DOK7: variants seen among roughly 807,000 people sequenced by gnomAD.
DOK7 encodes protein Dok-7.
Under a neutral mutation model 30.7 loss-of-function variants are expected in DOK7, and 32 were observed. That is an observed-to-expected ratio of 1.04 (90% confidence interval 0.79 to 1.40). The LOEUF is 1.40. Ranked by LOEUF, DOK7 falls within the 40% of genes most tolerant of loss-of-function variation. The pLI, the probability that DOK7 is intolerant of heterozygous loss-of-function variation, is 0.00. For missense variants in DOK7, 1,007 were observed against 699.2 expected, an observed-to-expected ratio of 1.44 and a Z score of -4.97; for synonymous variants, 447 against 324.1, an observed-to-expected ratio of 1.38 and a Z score of -4.07.
At chr4:3,473,265 C>A in intron 2 of DOK7, 141 bp from the exon 3 acceptor site, 1 of 754,892 alleles carries the variant, frequency 1.3e-6, no homozygotes, top group Non-Finnish European at 2.2e-6. Context: ...TGCCGGGAGT[C>A]GAAGCCTTGG....
chr4:3,489,979 CCT>C, intron 6 of DOK7, among the ~76,000 whole-genome samples, 183 bp downstream of exon 6: 1 of 127,068 alleles, frequency 7.9e-6, no homozygotes, highest in Non-Finnish European at 1.6e-5. Context: ...ATTCATCCTT[CCT>C]TCCCCACCAC....
rs200407250 is a variant in DOK7, at chr4:3,489,785, C to T, written c.761C>T (p.Pro254Leu). Residue 254 changes from proline (P) to leucine (L), a missense_variant, in exon 6 of 7, where the codon CCG becomes CTG. By Grantham distance (98) the Pro-to-Leu change is moderately conservative. Transcript: ENST00000340083. ...RLSLLSHAGR[P>L]GSGGDDRSLS... is the part of the protein sequence containing the mutation. ...AGCCTCCTCTCACATGCGGGCAGGC[C>T]GGGCAGTGGAGGTAGGGCCGGGGGC... The T allele has an allele frequency of 1.0e-4, 160 of 1,574,150 alleles. 1 individual carries two copies. Among genetic ancestry groups the T allele is most frequent in the Middle Eastern group, 1.0e-3 (6 of 6,010 alleles).
chr4:3,495,161 C>T (rs1728835381), downstream of DOK7, among the ~76,000 whole-genome samples: 1 of 152,236 alleles, frequency 6.6e-6, no homozygotes, highest in Non-Finnish European at 1.5e-5. Flanking sequence ...CCCCGCCTCA[C>T]TGGGCTGCAC....
intron 2 of DOK7, 61 bp downstream of exon 2, chr4:3,463,612 G>T: frequency 6.6e-7 from 1 of 1,516,188 alleles, no homozygotes; most frequent in South Asian, 1.2e-5. Flanking sequence ...ACCGAGGCCC[G>T]GGGCAGTAAT....
intron 2 of DOK7, among the ~76,000 whole-genome samples, chr4:3,466,484 C>G (rs1726271514): frequency 6.6e-6 from 1 of 152,226 alleles, no homozygotes; most frequent in Non-Finnish European, 1.5e-5. Flanking sequence ...GCAGAGCCTC[C>G]TGGTGGTGGA....
downstream of DOK7, among the ~76,000 whole-genome samples, chr4:3,496,570 T>C (rs1728923933): frequency 6.6e-6 from 1 of 152,148 alleles, no homozygotes; most frequent in Non-Finnish European, 1.5e-5. Flanking sequence ...AGCTCCCCCA[T>C]GGGTGGTTAT....
rs539706052 is a variant in DOK7 at position 3,493,219 on chromosome 4, T to C, written c.1233T>C (p.Leu411=). Residue 411 remains leucine (L), a synonymous_variant, in exon 7 of 7, where the codon CTT becomes CTC. Transcript: ENST00000340083. The part of the protein sequence containing the change: ...LRAHYDTPRS[L]CLAPRDHSPP... ...CCCACTATGACACACCACGCAGCCT[T>C]TGCCTGGCTCCTAGAGACCACAGCC... 2.9e-5 allele frequency: 47 copies of C among 1,611,984 alleles called. No homozygotes were observed. The African/African-American group carries it at 4.8e-4, about 16-fold the overall frequency.
downstream of DOK7, among the ~76,000 whole-genome samples, chr4:3,498,650 C>CTCA (rs1285277097): frequency 6.6e-6 from 1 of 152,144 alleles, no homozygotes; most frequent in Admixed American, 6.5e-5. Flanking sequence ...GGCCTAGCCC[C>CTCA]TCAGCCATGC....
chr4:3,481,049 AGCACGAATGG>A (rs1337760598), intron 4 of DOK7, among the ~76,000 whole-genome samples: 2 of 151,884 alleles, frequency 1.3e-5, no homozygotes, highest in Non-Finnish European at 2.9e-5. Context: ...GACATCTTTG[AGCACGAATGG>A]GTGTCCCGAA....
At chr4:3,464,061 C>T (rs370151085) in intron 2 of DOK7, among the ~76,000 whole-genome samples, 2 of 150,192 alleles carry the variant, frequency 1.3e-5, no homozygotes, top group African/African-American at 4.9e-5. Flanking sequence ...GGTCCCCCCC[C>T]AGTCCCCGCC....
chr4:3,485,475 T>A, intron 4 of DOK7, 64 bp from the exon 5 acceptor site: 1 of 1,442,102 alleles, frequency 6.9e-7, no homozygotes, highest in South Asian at 1.5e-5. Flanking sequence ...CCTGTGTTCC[T>A]CCTCTTCAGG....
chr4:3,496,375 A>C (rs1728913690), downstream of DOK7, among the ~76,000 whole-genome samples: 1 of 152,186 alleles, frequency 6.6e-6, no homozygotes, highest in Admixed American at 6.5e-5. Context: ...CAGGGCCCAC[A>C]CCCTCAAGGA....
chr4:3,463,973 C>G (rs7664368), intron 2 of DOK7, among the ~76,000 whole-genome samples: 59,376 of 152,052 alleles, frequency 0.39, 11,877 homozygotes, highest in East Asian at 0.48. Flanking sequence ...CCCAGGCAGA[C>G]GAGAGGCTGG....
chr4:3,492,813 G>A lies in DOK7; in HGVS notation c.827G>A (p.Ser276Asn), dbSNP rs1728578750. ...SSSEASHLDV[S>N]ASSRLTAWPE... ...TCAGAGGCCAGTCACTTGGACGTCA[G>A]CGCCAGCAGCCGGCTCACCGCATGG... The change falls in exon 7 of 7, where the codon AGC (serine) becomes AAC (asparagine). Residue 276 changes from serine to asparagine, a missense_variant. By Grantham distance (46) the Ser-to-Asn change is conservative (BLOSUM62 1). Coordinates refer to ENST00000340083, the MANE Select transcript of DOK7 (RefSeq NM_173660.5). The A allele has an allele frequency of 1.2e-6, 2 of 1,612,574 alleles. No individual in the cohort carries two copies. The highest frequency in any genetic ancestry group is 1.3e-5 in the African/African-American group (1 of 74,922).
intron 6 of DOK7, chr4:3,500,170 G>A: frequency 2.7e-6 from 4 of 1,469,670 alleles, no homozygotes; most frequent in Non-Finnish European, 3.6e-6. Context: ...TAGGCAGGGT[G>A]GGCAGCTCTT....
chr4:3,469,979 T>C (rs1238061679), intron 2 of DOK7, among the ~76,000 whole-genome samples: 1 of 152,106 alleles, frequency 6.6e-6, no homozygotes, highest in Non-Finnish European at 1.5e-5. Flanking sequence ...TGGTCGTCAG[T>C]TTCCTGTGGC....
At chr4:3,479,632 A>C (rs554066697) in intron 4 of DOK7, among the ~76,000 whole-genome samples, 2 of 152,330 alleles carry the variant, frequency 1.3e-5, no homozygotes, top group East Asian at 3.9e-4. Context: ...GAGAGCAGAG[A>C]GGGTGACCCT....
At chr4:3,480,190 G>A (rs909839355) in intron 4 of DOK7, among the ~76,000 whole-genome samples, 3 of 152,188 alleles carry the variant, frequency 2.0e-5, no homozygotes, top group Non-Finnish European at 4.4e-5. Flanking sequence ...TTTTGGAGGT[G>A]CCCCCTTTTT....
At position 3,493,425 on chromosome 4, in the gene DOK7, C is replaced by G; in HGVS notation, c.1439C>G (p.Pro480Arg). ...APGEPWEAGG[P>R]HAGPPPAFFS... ...GGCGAGCCCTGGGAAGCAGGCGGCC[C>G]CCACGCGGGGCCACCCCCGGCTTTC... Residue 480 changes from proline (P) to arginine (R), a missense_variant, in exon 7 of 7, where the codon CCC becomes CGC. By Grantham distance (103) the Pro-to-Arg change is moderately radical (BLOSUM62 -2). Transcript: ENST00000340083. The G allele has an allele frequency of 1.9e-6, 3 of 1,602,018 alleles. No homozygotes were observed. Among genetic ancestry groups the G allele is most frequent in the Non-Finnish European group, 1.7e-6 (2 of 1,174,612 alleles).
Sources: allele counts gnomAD v4.1 joint callset (sites outside exome capture counted in the v4.1 genomes callset), GRCh38; gene constraint gnomAD v4.1.1; transcripts MANE v1.5; gene names NCBI Gene and HGNC (gene_info 2026-07-23, HGNC 2026-07-21).